DDX10: variants seen among roughly 807,000 people sequenced by gnomAD.
DDX10 encodes DEAD-box helicase 10.
A neutral mutation model predicts 104.3 loss-of-function variants in DDX10; 74 were observed. The ratio of observed to expected loss-of-function variants is 0.71; its 90% CI spans 0.59 to 0.86. The LOEUF (loss-of-function observed/expected upper bound fraction) is 0.86. Among genes scored for constraint, DDX10 ranks in the 40% least tolerant of loss-of-function variants. The probability of loss-of-function intolerance (pLI) is 0.00; values close to 1 mark genes in which losing one functional copy is unlikely to be tolerated. For missense variants in DDX10, 952 were observed against 1,040.0 expected (o/e 0.92, Z 1.16); for synonymous variants, 351 against 353.4 (o/e 0.99, Z 0.08).
At position 108,810,674 on chromosome 11, in the gene DDX10, C is replaced by T. The variant is rs557517193; in HGVS notation, c.1966-27772C>T. Among the ~76,000 whole-genome samples, 23 of 152,260 alleles carry T rather than the reference C, an allele frequency of 1.5e-4. No individual in the cohort carries two copies. The East Asian group carries it at 3.7e-3, about 24-fold the overall frequency. ...TTTCAACGGAACCTGTGGTTTGCTT[C>T]GGATTAGTCCCCCAAGTCAGTGATA... On this transcript the variant is annotated intron_variant, in intron 13 of 17. Transcript: ENST00000322536.
At chr11:108,714,232 C>T (rs1478715543) in intron 10 of DDX10, among the ~76,000 whole-genome samples, 2 of 152,038 alleles carry the variant, frequency 1.3e-5, no homozygotes, top group Non-Finnish European at 2.9e-5. Context: ...TCAGACTTGT[C>T]CACATTGAGG....
chr11:108,894,674 G>A (rs968667283), intron 16 of DDX10, among the ~76,000 whole-genome samples: 7 of 151,862 alleles, frequency 4.6e-5, no homozygotes, highest in South Asian at 4.1e-4. Flanking sequence ...AATGCAAAAC[G>A]TTAAAAATGG....
At chr11:108,714,214 T>C (rs1223805892) in intron 10 of DDX10, among the ~76,000 whole-genome samples, 2 of 152,134 alleles carry the variant, frequency 1.3e-5, no homozygotes, top group African/African-American at 4.8e-5. Context: ...TCCTGGAGTT[T>C]TTATTTCTCA....
rs1377938794 is a variant in DDX10, at chr11:108,716,912, T to A, written c.1410+946T>A. The stretch of plus-strand genomic sequence containing the variant: ...ACATACTTGTGGTGAGAAATCTATT[T>A]TAGTTAAACTTTTTTTTTTTTAAAG... On this transcript the variant is annotated intron_variant, in intron 11 of 17. Coordinates refer to ENST00000322536, the MANE Select transcript of DDX10 (RefSeq NM_004398.4). Among the ~76,000 whole-genome samples, 3 of 152,212 alleles carry A rather than the reference T, an allele frequency of 2.0e-5. No individual in the cohort carries two copies. The East Asian group carries it at 5.8e-4, about 29-fold the overall frequency.
chr11:108,861,164 T>C (rs1308169103), intron 16 of DDX10, among the ~76,000 whole-genome samples: 3 of 151,204 alleles, frequency 2.0e-5, no homozygotes, highest in Non-Finnish European at 4.4e-5. Flanking sequence ...GGCAGAAAAA[T>C]GTGTAAAGGA....
intron 13 of DDX10, among the ~76,000 whole-genome samples, chr11:108,816,505 AC>A (rs1862257072): frequency 1.3e-5 from 2 of 151,386 alleles, no homozygotes; most frequent in African/African-American, 2.4e-5. Flanking sequence ...TTGTTCACTT[AC>A]TGCCCTAATT....
At chr11:108,825,505 C>A (rs550063130) in intron 13 of DDX10, among the ~76,000 whole-genome samples, 1 of 152,242 alleles carries the variant, frequency 6.6e-6, no homozygotes, top group African/African-American at 2.4e-5. Flanking sequence ...GAGGTTTTGC[C>A]TTATGGTCCT....
At chr11:108,837,212 A>G (rs1591831412) in intron 13 of DDX10, among the ~76,000 whole-genome samples, 1 of 152,224 alleles carries the variant, frequency 6.6e-6, no homozygotes, top group African/African-American at 2.4e-5. Flanking sequence ...AACTAAACCC[A>G]GAGGTTAGGT....
chr11:108,772,573 C>T (rs532679801), intron 13 of DDX10, among the ~76,000 whole-genome samples: 20 of 152,214 alleles, frequency 1.3e-4, no homozygotes, highest in Non-Finnish European at 2.5e-4. Flanking sequence ...GGATTTTGGG[C>T]TTCTGGCTTC....
At chr11:108,768,392 A>G (rs1471702830) in intron 13 of DDX10, among the ~76,000 whole-genome samples, 1 of 152,226 alleles carries the variant, frequency 6.6e-6, no homozygotes, top group Non-Finnish European at 1.5e-5. Flanking sequence ...TCTCTTGTTT[A>G]TTAGTTGAGT....
In DDX10 at chr11:108,723,241, C is replaced by A; in HGVS notation, c.1744C>A (p.Gln582Lys). Residue 582 changes from glutamine to lysine, a missense_variant, in exon 13 of 18, where the codon CAG (glutamine) becomes AAG (lysine). By Grantham distance (53) the Gln-to-Lys change is moderately conservative. Around this residue, in one of 3 missense-constraint regions of DDX10, gnomAD observed 533 missense variants for 534.1 expected, o/e 1.00. Coordinates refer to ENST00000322536, the MANE Select transcript of DDX10 (RefSeq NM_004398.4). ...RQDNDTGNEE[Q>K]EEEEDDEEEM... ...GGATAATGATACTGGTAATGAAGAACAGGAAGAAGAAGAAGACGATGAAGA... is the reference window on the plus strand; with the variant it reads ...GGATAATGATACTGGTAATGAAGAAAAGGAAGAAGAAGAAGACGATGAAGA... 1 of 1,613,306 alleles carries A rather than the reference C, an allele frequency of 6.2e-7. No individual in the cohort carries two copies. The highest frequency in any genetic ancestry group is 8.5e-7 in the Non-Finnish European group (1 of 1,179,722).
At chr11:108,686,795 G>A (rs1565246903) in intron 6 of DDX10, among the ~76,000 whole-genome samples, 1 of 152,070 alleles carries the variant, frequency 6.6e-6, no homozygotes, top group Non-Finnish European at 1.5e-5. Context: ...CTAAAAGTAT[G>A]TTTTTTTGAG....
At chr11:108,813,223 T>C (rs543445476) in intron 13 of DDX10, among the ~76,000 whole-genome samples, 3 of 152,310 alleles carry the variant, frequency 2.0e-5, no homozygotes, top group South Asian at 2.1e-4. Context: ...TCAGTAGATA[T>C]TGTAAATTGC....
intron 6 of DDX10, among the ~76,000 whole-genome samples, chr11:108,681,305 G>T (rs958978076): frequency 6.6e-6 from 1 of 151,858 alleles, no homozygotes; most frequent in Non-Finnish European, 1.5e-5. Flanking sequence ...TTTGAAACCC[G>T]GTCCCATCAC....
intron 10 of DDX10, among the ~76,000 whole-genome samples, chr11:108,711,333 C>G (rs1301182640): frequency 6.6e-6 from 1 of 152,124 alleles, no homozygotes; most frequent in Non-Finnish European, 1.5e-5. Context: ...TACCTTTCTG[C>G]TATTTCTATG....
intron 13 of DDX10, among the ~76,000 whole-genome samples, chr11:108,749,070 T>TTCTCTCTC (rs146782260): frequency 1.3e-5 from 2 of 150,732 alleles, no homozygotes; most frequent in Non-Finnish European, 3.0e-5. Context: ...CTCTCTCTCT[T>TTCTCTCTC]TCTCTCTCTC....
chr11:108,683,323 G>A (rs1303618526), intron 6 of DDX10, among the ~76,000 whole-genome samples: 3 of 152,178 alleles, frequency 2.0e-5, no homozygotes, highest in Non-Finnish European at 4.4e-5. Context: ...TAAATTGTAT[G>A]AAAAATTTTA....
chr11:108,874,145 C>T (rs1863118902), intron 16 of DDX10, among the ~76,000 whole-genome samples: 1 of 152,086 alleles, frequency 6.6e-6, no homozygotes. Context: ...GCAGTAAAAT[C>T]AGTGGTTCAC....
chr11:108,770,666 G>C (rs947399196), intron 13 of DDX10, among the ~76,000 whole-genome samples: 1 of 151,842 alleles, frequency 6.6e-6, no homozygotes, highest in Non-Finnish European at 1.5e-5. Context: ...TGTTCTTCCA[G>C]TTCCATCCAT....
Sources: gnomAD v4.1 joint callset for allele counts (sites outside exome capture counted in the v4.1 genomes callset) on GRCh38, gnomAD v4.1.1 for gene constraint, gnomAD v4.1.1 regional missense constraint, MANE v1.5 for transcripts, NCBI Gene and HGNC (gene_info 2026-07-23, HGNC 2026-07-21) for gene names.